The following ZSWIM2 variants were observed in gnomAD, a reference collection of about 807,000 sequenced individuals.
ZSWIM2 encodes E3 ubiquitin-protein ligase ZSWIM2.
In ZSWIM2, 38 loss-of-function variants were observed where a neutral mutation model predicts 48.4. The ratio of observed to expected loss-of-function variants is 0.79; its 90% CI spans 0.61 to 1.03. ZSWIM2 has a LOEUF of 1.03. ZSWIM2 is among the 50% of genes least tolerant of loss of function. ZSWIM2 has a pLI of 0.00. For missense variants in ZSWIM2, 776 were observed against 730.2 expected, an observed-to-expected ratio of 1.06 and a Z score of -0.72; for synonymous variants, 240 against 251.3, an observed-to-expected ratio of 0.96 and a Z score of 0.42.
intron 3 of ZSWIM2, among the ~76,000 whole-genome samples, chr2:186,842,800 T>C (rs1691927756): frequency 1.3e-5 from 2 of 151,590 alleles, no homozygotes; most frequent in Admixed American, 1.3e-4. Flanking sequence ...ATTAAAAATT[T>C]AGTTTTTAAC....
Position 186,829,869 on chromosome 2 carries a change from G to A in ZSWIM2, c.953C>T (p.Thr318Ile), listed in dbSNP as rs1270304672. ...HFQEKQGQVY[T>I]PKHIVRSLPL... Reference sequence around the variant, plus strand: ...CAGTGATCTTACAATGTGTTTTGGTGTGTAAACTTGGCTGAATGAGAATAA... The same window carrying A: ...CAGTGATCTTACAATGTGTTTTGGTATGTAAACTTGGCTGAATGAGAATAA... The change falls in exon 8 of 9, where the codon ACA becomes ATA. Residue 318 changes from threonine to isoleucine, a missense_variant. Physicochemically the swap from Thr to Ile is moderately conservative, Grantham distance 89. Transcript: ENST00000295131. The A allele has an allele frequency of 1.2e-6, 2 of 1,613,376 alleles. No individual in the cohort carries two copies. The highest frequency in any genetic ancestry group is 2.2e-5 in the East Asian group (1 of 44,838).
In ZSWIM2 at chr2:186,828,184, T is replaced by A. The variant is rs767844191; in HGVS notation, c.1702A>T (p.Lys568Ter). The A allele has an allele frequency of 5.0e-6, 8 of 1,613,492 alleles. No individual in the cohort carries two copies. The highest frequency in any genetic ancestry group is 6.8e-6 in the Non-Finnish European group (8 of 1,179,738). ...TPATKIREDN[K>*]RSTLLPEDFN... The stretch of plus-strand genomic sequence containing the variant: ...TCCTCTGGAAGTAAAGTTGATCTCT[T>A]GTTGTCCTCTCTTATTTTAGTGGCA... Residue 568 changes from lysine (K) to a stop codon, truncating the protein, a stop_gained, in exon 9 of 9, where the codon AAG becomes TAG. Transcript: ENST00000295131. LOFTEE classifies it low-confidence loss of function (END_TRUNC).
chr2:186,837,562 A>C lies in ZSWIM2; in HGVS notation c.495-8T>G, dbSNP rs982436393. ...CTATTGCCACAGCCAAACCTATGAG[A>C]GATAAAATTGAAGTTTACCATTTGT... On this transcript the variant is annotated splice_polypyrimidine_tract_variant and splice_region_variant and intron_variant, in intron 4 of 8. Transcript: ENST00000295131. 6.2e-7 allele frequency: 1 copy of C among 1,602,720 alleles called. No homozygotes were observed. Among genetic ancestry groups the C allele is most frequent in the Non-Finnish European group, 8.5e-7 (1 of 1,174,430 alleles).
Position 186,828,138 on chromosome 2 carries a change from C to T in ZSWIM2, c.1748G>A (p.Trp583Ter). 1 of 1,613,540 alleles carries T rather than the reference C, an allele frequency of 6.2e-7. No individual in the cohort carries two copies. Among genetic ancestry groups the T allele is most frequent in the Non-Finnish European group, 8.5e-7 (1 of 1,179,710 alleles). ...LPEDFNLIVNWSTAKLSLSKR... is the reference protein window; with the variant it reads ...LPEDFNLIVN ...AGACAAACTAAGTTTAGCTGTGCTCCAATTGACAATAAGATTGAAATCCTC... is the reference window on the plus strand; with the variant it reads ...AGACAAACTAAGTTTAGCTGTGCTCTAATTGACAATAAGATTGAAATCCTC... The change falls in exon 9 of 9, where the codon TGG (tryptophan) becomes TAG (stop). Residue 583 changes from tryptophan to a stop codon, truncating the protein, a stop_gained. Coordinates refer to ENST00000295131, the MANE Select transcript of ZSWIM2 (RefSeq NM_182521.3). LOFTEE classifies it low-confidence loss of function (END_TRUNC).
chr2:186,848,387 C>T (rs1030845228), intron 1 of ZSWIM2, among the ~76,000 whole-genome samples: 25 of 152,204 alleles, frequency 1.6e-4, no homozygotes, highest in African/African-American at 5.8e-4. Flanking sequence ...AGTGCAGTGG[C>T]TAATTTTTGA....
chr2:186,828,348 A>G lies in ZSWIM2; in HGVS notation c.1538T>C (p.Leu513Pro). The stretch of plus-strand genomic sequence containing the variant: ...ATTCTTATGAACAATAGGAGGAAGC[A>G]GTGTTTGAGATGGTATTTTCCCAAA... ...VSFGKIPSQT[L>P]LPPIVHKNIV... Residue 513 changes from leucine to proline, a missense_variant, in exon 9 of 9, where the codon CTG becomes CCG. Leu to Pro is a moderately conservative substitution (Grantham distance 98). Coordinates refer to ENST00000295131, the MANE Select transcript of ZSWIM2 (RefSeq NM_182521.3). The G allele has an allele frequency of 6.2e-7, 1 of 1,613,778 alleles. No individual in the cohort carries two copies. The highest frequency in any genetic ancestry group is 8.5e-7 in the Non-Finnish European group (1 of 1,179,814).
chr2:186,839,313 C>T, intron 3 of ZSWIM2, 144 bp from the exon 4 acceptor site: 1 of 572,198 alleles, frequency 1.7e-6, no homozygotes, highest in Non-Finnish European at 2.9e-6. Flanking sequence ...TTGACCCCTT[C>T]TTTACATTTT....
rs368020582 is a variant in ZSWIM2 at position 186,839,698 on chromosome 2, T to C, written c.284-529A>G. Among the ~76,000 whole-genome samples, 18 of 151,902 alleles carry C rather than the reference T, an allele frequency of 1.2e-4. No homozygotes were observed. In the East Asian group the frequency reaches 2.7e-3, roughly 23 times the overall value. ...CTACAAAAGCGTGTCTCATTAGTCT[T>C]ATCCTCAACAGATTTGGTCAGTGTT... On this transcript the variant is annotated intron_variant, in intron 3 of 8. Transcript: ENST00000295131.
chr2:186,838,499 T>C (rs1691840038), intron 4 of ZSWIM2, among the ~76,000 whole-genome samples: 1 of 150,112 alleles, frequency 6.7e-6, no homozygotes, highest in Non-Finnish European at 1.5e-5. Flanking sequence ...ACCATCACAT[T>C]TATTCATGTG....
intron 1 of ZSWIM2, among the ~76,000 whole-genome samples, chr2:186,848,364 A>G (rs1692042763): frequency 6.6e-6 from 1 of 152,100 alleles, no homozygotes; most frequent in African/African-American, 2.4e-5. Flanking sequence ...TTGTAAGTCA[A>G]CTCCTAGGAG....
At position 186,848,136 on chromosome 2, in the gene ZSWIM2, G is replaced by C. The variant is rs2105517584; in HGVS notation, c.166-341C>G. Reference sequence around the variant, plus strand: ...TTTGGGGTGGAGCTAAGCACCTTTTGTAAGGTAGCTCATTTTGGATTTTTG... The same window carrying C: ...TTTGGGGTGGAGCTAAGCACCTTTTCTAAGGTAGCTCATTTTGGATTTTTG... On this transcript the variant is annotated intron_variant, in intron 1 of 8. Transcript: ENST00000295131. Among the ~76,000 whole-genome samples the C allele has an allele frequency of 1.3e-5, 2 of 152,316 alleles. 1 individual carries two copies. Among genetic ancestry groups the C allele is most frequent in the South Asian group, 4.1e-4 (2 of 4,822 alleles).
intron 1 of ZSWIM2, among the ~76,000 whole-genome samples, chr2:186,848,203 A>G (rs529165425): frequency 7.7e-4 from 117 of 152,316 alleles, no homozygotes; most frequent in African/African-American, 2.6e-3. Flanking sequence ...ATTTTATTCA[A>G]GAGGACAAAA....
At chr2:186,839,912 C>T (rs1279483992) in intron 3 of ZSWIM2, among the ~76,000 whole-genome samples, 1 of 151,638 alleles carries the variant, frequency 6.6e-6, no homozygotes, top group Non-Finnish European at 1.5e-5. Flanking sequence ...CCATCTCCTA[C>T]TCCTGAACAT....
In ZSWIM2 at chr2:186,829,826, A is replaced by G; in HGVS notation, c.996T>C (p.Thr332=). The G allele has an allele frequency of 6.8e-6, 11 of 1,613,766 alleles. No individual in the cohort carries two copies. The highest frequency in any genetic ancestry group is 9.3e-6 in the Non-Finnish European group (11 of 1,179,790). The change falls in exon 8 of 9, where the codon ACT becomes ACC. Residue 332 remains threonine, a synonymous_variant. Transcript: ENST00000295131. ...IVRSLPLQLI[T]KNSKLLAPGY... ...CTGGAGCAAGCAGCTTACTATTCTT[A>G]GTAATCAGTTGGAGAGGCAGTGATC...
At position 186,828,083 on chromosome 2, in the gene ZSWIM2, A is replaced by C. The variant is rs760392519; in HGVS notation, c.1803T>G (p.Ile601Met). Reference protein sequence around the residue: ...SKRYSNCMGEITRKCSHLSRQ... With the variant: ...SKRYSNCMGEMTRKCSHLSRQ... ...TTGATAGATGACTACATTTTCGTGT[A>C]ATTTCCCCCATACAGTTACTATACC... Residue 601 changes from isoleucine to methionine, a missense_variant, in exon 9 of 9, where the codon ATT becomes ATG. Ile to Met is a conservative substitution (Grantham distance 10, BLOSUM62 1). Coordinates refer to ENST00000295131, the MANE Select transcript of ZSWIM2 (RefSeq NM_182521.3). 6 of 1,613,316 alleles carry C rather than the reference A, an allele frequency of 3.7e-6. No individual in the cohort carries two copies. In the East Asian group the frequency reaches 1.3e-4, roughly 36 times the overall value.
Position 186,828,778 on chromosome 2 carries a change from A to T in ZSWIM2, c.1108T>A (p.Cys370Ser). 2 of 1,540,362 alleles carry T rather than the reference A, an allele frequency of 1.3e-6. No individual in the cohort carries two copies. Among genetic ancestry groups the T allele is most frequent in the Non-Finnish European group, 1.7e-6 (2 of 1,145,412 alleles). Residue 370 changes from cysteine to serine, a missense_variant, in exon 9 of 9, where the codon TGT becomes AGT. By Grantham distance (112) the Cys-to-Ser change is moderately radical. Coordinates refer to ENST00000295131, the MANE Select transcript of ZSWIM2 (RefSeq NM_182521.3). ...TTGTGGAATAACCAGTTGTCAATAC[A>T]CTTCCTGTGAAACTTTAAAAAAAAG... Reference protein sequence around the residue: ...LPCTHKFHRKCIDNWLFHKCN... With the variant: ...LPCTHKFHRKSIDNWLFHKCN...
chr2:186,838,347 T>TTA (rs1559114153), intron 4 of ZSWIM2, among the ~76,000 whole-genome samples: 2 of 138,682 alleles, frequency 1.4e-5, no homozygotes, highest in African/African-American at 5.2e-5. Flanking sequence ...CATTAATGAG[T>TTA]AAAAAAAAAA....
chr2:186,831,042 G>GT (rs1390420156), intron 7 of ZSWIM2, among the ~76,000 whole-genome samples: 1 of 152,068 alleles, frequency 6.6e-6, no homozygotes, highest in African/African-American at 2.4e-5. Flanking sequence ...GTTACCTACT[G>GT]TTTCTTATCC....
At chr2:186,843,644 G>T (rs1274650338) in intron 3 of ZSWIM2, among the ~76,000 whole-genome samples, 1 of 151,504 alleles carries the variant, frequency 6.6e-6, no homozygotes, top group Non-Finnish European at 1.5e-5. Context: ...AAGCCAGTAT[G>T]TGAGGTAGGG....
Sources: gnomAD v4.1 joint callset for allele counts (sites outside exome capture counted in the v4.1 genomes callset) on GRCh38, gnomAD v4.1.1 for gene constraint, MANE v1.5 for transcripts, NCBI Gene and HGNC (gene_info 2026-07-23, HGNC 2026-07-21) for gene names.